Variants in SLC3A1 observed in about 807,000 individuals in gnomAD.
SLC3A1 encodes solute carrier family 3 member 1, also known as amino acid transporter heavy chain SLC3A1.
Under a neutral mutation model 60.3 loss-of-function variants are expected in SLC3A1, and 78 were observed. The observed-to-expected ratio is 1.29, with a 90% CI of 1.08 to 1.56. SLC3A1 has a LOEUF of 1.56. SLC3A1 is among the 40% of genes most tolerant of loss of function. The pLI is 0.00. For missense variants in SLC3A1, 1,172 were observed against 858.9 expected, an observed-to-expected ratio of 1.36 and a Z score of -4.56; for synonymous variants, 392 against 307.9, an observed-to-expected ratio of 1.27 and a Z score of -2.86.
intron 6 of SLC3A1, among the ~76,000 whole-genome samples, chr2:44,303,641 T>C (rs1180528639): frequency 6.6e-6 from 1 of 152,100 alleles, no homozygotes; most frequent in Non-Finnish European, 1.5e-5. Flanking sequence ...GCAGGTTTGT[T>C]ACATAGGTAT....
intron 9 of SLC3A1, chr2:44,317,644 C>A (rs1332760229): frequency 1.3e-5 from 2 of 151,668 alleles, no homozygotes; most frequent in African/African-American, 2.4e-5. Flanking sequence ...AAAATTAGGA[C>A]ATAAAAATAA....
Position 44,275,958 on chromosome 2 carries a change from T to C in SLC3A1, c.423T>C (p.Asp141=). 1 of 1,614,108 alleles carries C rather than the reference T, an allele frequency of 6.2e-7. No individual in the cohort carries two copies. The highest frequency in any genetic ancestry group is 8.5e-7 in the Non-Finnish European group (1 of 1,179,944). ...ACAGTAACAAGGATGGGAACGGAGATCTGAAAGGTACATGCCCAGAGATCA... is the reference window on the plus strand; with the variant it reads ...ACAGTAACAAGGATGGGAACGGAGACCTGAAAGGTACATGCCCAGAGATCA... ...FKDSNKDGNG[D]LKGIQDKLDY... The change falls in exon 1 of 10, where the codon GAT becomes GAC. Residue 141 remains aspartate, a synonymous_variant. Coordinates refer to ENST00000260649, the MANE Select transcript of SLC3A1 (RefSeq NM_000341.4).
intron 4 of SLC3A1, among the ~76,000 whole-genome samples, chr2:44,288,525 T>A (rs1211555896): frequency 6.6e-6 from 1 of 152,234 alleles, no homozygotes; most frequent in Admixed American, 6.5e-5. Flanking sequence ...TGTATCTGTA[T>A]ATCCCTGGTA....
At chr2:44,282,834 T>C (rs1019435652) in intron 3 of SLC3A1, among the ~76,000 whole-genome samples, 1 of 152,070 alleles carries the variant, frequency 6.6e-6, no homozygotes, top group African/African-American at 2.4e-5. Context: ...ATATTTTATT[T>C]TTTTGTAAAG....
chr2:44,301,738 CAAAAAAA>C (rs10657360), intron 6 of SLC3A1, among the ~76,000 whole-genome samples: 8 of 93,474 alleles, frequency 8.6e-5, no homozygotes, highest in Admixed American at 1.4e-4. Flanking sequence ...GACTCCATCA[CAAAAAAA>C]AAAAAAAAAA....
Position 44,313,776 on chromosome 2 carries a change from A to G in SLC3A1, c.1501-59A>G, listed in dbSNP as rs1049139760. The G allele has an allele frequency of 5.5e-6, 7 of 1,267,724 alleles. No homozygotes were observed. In the African/African-American group the frequency reaches 7.3e-5, roughly 13 times the overall value. The allele number at this position is 1,267,724 out of a possible 1,614,324, so 78.5% of individuals were successfully genotyped here. A position where few individuals can be genotyped will look rare whatever the true frequency, so the allele number is the denominator to read the frequency against. ...AATAATTATGAAGTAAATCAGGACC[A>G]AAGCACATTTCTTCTAATAACCAAA... is the stretch of plus-strand genomic sequence containing the variant. On this transcript the variant is annotated intron_variant, in intron 8 of 9. Transcript: ENST00000260649.
rs370514295 is a variant in SLC3A1 at position 44,312,700 on chromosome 2, G to T, written c.1447G>T (p.Glu483Ter). 1.1e-5 allele frequency: 18 copies of T among 1,613,512 alleles called. No homozygotes were observed. Among genetic ancestry groups the T allele is most frequent in the Non-Finnish European group, 1.4e-5 (17 of 1,179,602 alleles). The change falls in exon 8 of 10, where the codon GAA becomes TAA. Residue 483 changes from glutamate to a stop codon, truncating the protein, a stop_gained. Coordinates refer to ENST00000260649, the MANE Select transcript of SLC3A1 (RefSeq NM_000341.4). LOFTEE classifies it high-confidence loss of function. ...AACTCCTATAACTTACTATGGAGAAGAAATTGGAATGGGAAATATTGTAGC... is the reference window on the plus strand; with the variant it reads ...AACTCCTATAACTTACTATGGAGAATAAATTGGAATGGGAAATATTGTAGC... ...PGTPITYYGEEIGMGNIVAAN... is the reference protein window; with the variant it reads ...PGTPITYYGE
At position 44,320,207 on chromosome 2, in the gene SLC3A1, G is replaced by T. The variant is rs886056071; in HGVS notation, c.1626G>T (p.Lys542Asn). 26 of 1,613,014 alleles carry T rather than the reference G, an allele frequency of 1.6e-5. No homozygotes were observed. The highest frequency in any genetic ancestry group is 4.0e-5 in the African/African-American group (3 of 74,874). Reference protein sequence around the residue: ...DYHTVNVDVQKTQPRSALKLY... With the variant: ...DYHTVNVDVQNTQPRSALKLY... ...CTTTTTTAAAAAAATAGGTCCAAAA[G>T]ACTCAGCCCAGATCGGCTTTGAAGT... The change falls in exon 10 of 10, where the codon AAG becomes AAT. Residue 542 changes from lysine (K) to asparagine (N), a missense_variant. Transcript: ENST00000260649.
intron 3 of SLC3A1, 122 bp from the exon 4 acceptor site, chr2:44,285,910 T>C: frequency 7.7e-7 from 1 of 1,299,850 alleles, no homozygotes; most frequent in Admixed American, 1.7e-5. Context: ...TGCTGCTCTC[T>C]GTAGAAGGAA....
intron 1 of SLC3A1, 45 bp downstream of exon 1, chr2:44,276,010 G>T (rs761513964): frequency 2.5e-6 from 4 of 1,572,764 alleles, no homozygotes; most frequent in Non-Finnish European, 3.5e-6. Flanking sequence ...GGATGAGATT[G>T]GTTTATGGTT....
At chr2:44,315,367 G>T (rs1672402315) in intron 9 of SLC3A1, 1 of 151,678 alleles carries the variant, frequency 6.6e-6, no homozygotes, top group South Asian at 2.1e-4. Context: ...GTAAAATTAG[G>T]GCTGGGCACC....
At position 44,320,231 on chromosome 2, in the gene SLC3A1, G is replaced by C; in HGVS notation, c.1650G>C (p.Lys550Asn). 6.2e-7 allele frequency: 1 copy of C among 1,613,976 alleles called. No homozygotes were observed. Among genetic ancestry groups the C allele is most frequent in the South Asian group, 1.1e-5 (1 of 91,054 alleles). ...AGACTCAGCCCAGATCGGCTTTGAA[G>C]TTATATCAAGATTTAAGTCTACTTC... ...VQKTQPRSAL[K>N]LYQDLSLLHA... Residue 550 changes from lysine to asparagine, a missense_variant, in exon 10 of 10, where the codon AAG becomes AAC. By Grantham distance (94) the Lys-to-Asn change is moderately conservative. Coordinates refer to ENST00000260649, the MANE Select transcript of SLC3A1 (RefSeq NM_000341.4).
At chr2:44,300,893 C>A in intron 5 of SLC3A1, 110 bp from the exon 6 acceptor site, 3 of 1,216,756 alleles carry the variant, frequency 2.5e-6, no homozygotes, top group African/African-American at 1.5e-5. Context: ...TTTGAGTGTG[C>A]GTCTCGCTTG....
At chr2:44,317,500 C>T (rs565071296) in intron 9 of SLC3A1, 4 of 151,762 alleles carry the variant, frequency 2.6e-5, no homozygotes, top group African/African-American at 9.7e-5. Flanking sequence ...CATAGCAACA[C>T]TTCAAGTGCT....
At chr2:44,313,484 C>G (rs963220136) in intron 8 of SLC3A1, among the ~76,000 whole-genome samples, 1 of 152,164 alleles carries the variant, frequency 6.6e-6, no homozygotes, top group Non-Finnish European at 1.5e-5. Context: ...TGGCAGTGTT[C>G]TTAAATTCAC....
At position 44,300,044 on chromosome 2, in the gene SLC3A1, C is replaced by T. The variant is rs754925350; in HGVS notation, c.965C>T (p.Ala322Val). The change falls in exon 5 of 10, where the codon GCA becomes GTA. Residue 322 changes from alanine to valine, a missense_variant. Physicochemically the swap from Ala to Val is moderately conservative, Grantham distance 64. Transcript: ENST00000260649. The stretch of plus-strand genomic sequence containing the variant: ...GATGCTGTTAAATTCCTCCTAGAAG[C>T]AAAGCACCTGAGAGATGAGATCCAA... Reference protein sequence around the residue: ...SLDAVKFLLEAKHLRDEIQVN... With the variant: ...SLDAVKFLLEVKHLRDEIQVN... The T allele has an allele frequency of 1.2e-6, 2 of 1,613,678 alleles. No homozygotes were observed. The highest frequency in any genetic ancestry group is 8.5e-7 in the Non-Finnish European group (1 of 1,179,600).
chr2:44,281,195 G>T (rs1206364370), intron 2 of SLC3A1, among the ~76,000 whole-genome samples, 192 bp from the exon 3 acceptor site: 3 of 107,668 alleles, frequency 2.8e-5, no homozygotes, highest in Admixed American at 1.5e-4. Context: ...GTCTTGCTCT[G>T]TCTCCCAGGC....
At chr2:44,280,609 T>G in intron 1 of SLC3A1, 107 bp from the exon 2 acceptor site, 1 of 770,700 alleles carries the variant, frequency 1.3e-6, no homozygotes, top group Non-Finnish European at 2.2e-6. Context: ...ATTCTAAGTA[T>G]TTTTGCCTTC....
chr2:44,314,157 T>C, intron 9 of SLC3A1: 4 of 1,238,696 alleles, frequency 3.2e-6, no homozygotes, highest in Non-Finnish European at 4.5e-6. Context: ...CCAAGTGAAG[T>C]GAAGTATCAT....
Sources: allele counts gnomAD v4.1 joint callset (sites outside exome capture counted in the v4.1 genomes callset), GRCh38; gene constraint gnomAD v4.1.1; transcripts MANE v1.5; gene names NCBI Gene and HGNC (gene_info 2026-07-23, HGNC 2026-07-21).